Variants in RWDD1 observed in about 807,000 individuals in gnomAD.
RWDD1 encodes the protein RWD domain containing 1.
Under a neutral mutation model 31.6 loss-of-function variants are expected in RWDD1, and 17 were observed. The observed-to-expected ratio is 0.54, with a 90% confidence interval of 0.37 to 0.81. RWDD1 has a LOEUF of 0.81. Ranked by LOEUF, RWDD1 falls within the 30% of genes least tolerant of loss-of-function variation. The probability of loss-of-function intolerance (pLI) is 0.00; values close to 1 mark genes in which losing one functional copy is unlikely to be tolerated. For synonymous variants in RWDD1, 78 were observed against 94.2 expected (o/e 0.83, Z 0.99); for missense variants, 204 against 274.5 (o/e 0.74, Z 1.82).
rs1775250431 is a variant in RWDD1, at chr6:116,597,089, A to G, written c.*3988A>G. ...TCTTCATCCTGTCATGCAGCTAAAT[A>G]TTCCAGGAATACTGAACCAAGTGAG... On this transcript the variant is annotated 3_prime_UTR_variant, in exon 7 of 7. Transcript: ENST00000466444. 1 of 152,234 alleles carries G rather than the reference A, an allele frequency of 6.6e-6. No individual in the cohort carries two copies. The allele number at this position is 152,234 out of a possible 1,614,324, so 9.4% of individuals were successfully genotyped here. A position where few individuals can be genotyped will look rare whatever the true frequency, so the allele number is the denominator to read the frequency against.
chr6:116,580,985 AT>A (rs1162368647), intron 2 of RWDD1, among the ~76,000 whole-genome samples: 4 of 152,000 alleles, frequency 2.6e-5, no homozygotes, highest in Non-Finnish European at 4.4e-5. Context: ...AACCCTACAC[AT>A]TTTTTTACCC....
rs1178798426 is a variant in RWDD1 at position 116,596,320 on chromosome 6, A to G, written c.*3219A>G. ...ATGTAAACATGTAAATTTGAGTAGC[A>G]TTAGTTTGTTTTCTGTTTAGGAACT... is the stretch of plus-strand genomic sequence containing the variant. On this transcript the variant is annotated 3_prime_UTR_variant, in exon 7 of 7. Transcript: ENST00000466444. 6.6e-6 allele frequency: 1 copy of G among 152,254 alleles called. No individual in the cohort carries two copies. Among genetic ancestry groups the G allele is most frequent in the Non-Finnish European group, 1.5e-5 (1 of 68,038 alleles). 9.4% of individuals were successfully genotyped at this position (152,254 alleles called of 1,614,324 possible). A position where few individuals can be genotyped will look rare whatever the true frequency, so the allele number is the denominator to read the frequency against.
At chr6:116,575,853 A>G (rs575315137) in intron 1 of RWDD1, among the ~76,000 whole-genome samples, 2 of 152,230 alleles carry the variant, frequency 1.3e-5, no homozygotes, top group Non-Finnish European at 2.9e-5. Context: ...AAAGGAAGGA[A>G]GAAGAACAGA....
At chr6:116,588,461 T>C (rs1231908999) in intron 3 of RWDD1, among the ~76,000 whole-genome samples, 1 of 152,146 alleles carries the variant, frequency 6.6e-6, no homozygotes, top group East Asian at 1.9e-4. Flanking sequence ...ATTTCTTACA[T>C]TCTTTATTAT....
At chr6:116,579,322 A>G (rs1030545702) in intron 1 of RWDD1, among the ~76,000 whole-genome samples, 1 of 152,234 alleles carries the variant, frequency 6.6e-6, no homozygotes, top group Non-Finnish European at 1.5e-5. Flanking sequence ...AACCTTGACA[A>G]GTACCAGTGC....
intron 2 of RWDD1, among the ~76,000 whole-genome samples, chr6:116,580,780 G>A (rs997570678): frequency 6.6e-6 from 1 of 151,948 alleles, no homozygotes; most frequent in Non-Finnish European, 1.5e-5. Flanking sequence ...TTATAAATGG[G>A]GCTGGATATA....
chr6:116,589,010 TTTA>T (rs1287376185), intron 4 of RWDD1, 25 bp downstream of exon 4: 22 of 1,258,514 alleles, frequency 1.7e-5, no homozygotes, highest in Non-Finnish European at 2.1e-5. Flanking sequence ...CTTGTTTTCT[TTTA>T]TTATTTCTTA....
intron 1 of RWDD1, chr6:116,574,078 A>G (rs1483593010): frequency 1.5e-6 from 1 of 671,822 alleles, no homozygotes; most frequent in Non-Finnish European, 1.8e-6. Context: ...CATTGATCCA[A>G]CCCTCCTAAC....
At position 116,595,319 on chromosome 6, in the gene RWDD1, T is replaced by C. The variant is rs894742354; in HGVS notation, c.*2218T>C. On this transcript the variant is annotated 3_prime_UTR_variant, in exon 7 of 7. Transcript: ENST00000466444. ...TTCAGAACCTAAAGGCAGAATCTAA[T>C]GGTAAAATGAAGACAACCTAGTTGT... 6.6e-6 allele frequency: 1 copy of C among 151,846 alleles called. No individual in the cohort carries two copies. Among genetic ancestry groups the C allele is most frequent in the Non-Finnish European group, 1.5e-5 (1 of 67,906 alleles). The allele number at this position is 151,846 out of a possible 1,614,324, so 9.4% of individuals were successfully genotyped here. A position where few individuals can be genotyped will look rare whatever the true frequency, so the allele number is the denominator to read the frequency against.
At chr6:116,573,080 AT>A (rs1284663115) in intron 1 of RWDD1, 15 of 836,034 alleles carry the variant, frequency 1.8e-5, no homozygotes, top group Non-Finnish European at 2.0e-5. Context: ...TATATTCTTA[AT>A]CATGTTTGGT....
intron 1 of RWDD1, among the ~76,000 whole-genome samples, chr6:116,573,624 A>G (rs1774786467): frequency 6.6e-6 from 1 of 152,192 alleles, no homozygotes. Context: ...GGAGATTTGC[A>G]AGATTTTCTG....
At position 116,595,228 on chromosome 6, in the gene RWDD1, T is replaced by A. The variant is rs368086922; in HGVS notation, c.*2127T>A. ...GAATGATAACCTCCCATCCACTTCATGTGATTTTTAAGAATAAATTTTATA... is the reference window on the plus strand; with the variant it reads ...GAATGATAACCTCCCATCCACTTCAAGTGATTTTTAAGAATAAATTTTATA... On this transcript the variant is annotated 3_prime_UTR_variant, in exon 7 of 7. Transcript: ENST00000466444. 1.3e-5 allele frequency: 2 copies of A among 152,222 alleles called. No individual in the cohort carries two copies. The highest frequency in any genetic ancestry group is 1.9e-4 in the East Asian group (1 of 5,202). The allele number at this position is 152,222 out of a possible 1,614,324, so 9.4% of individuals were successfully genotyped here.
At chr6:116,583,691 G>A (rs1774987708) in intron 2 of RWDD1, among the ~76,000 whole-genome samples, 1 of 151,832 alleles carries the variant, frequency 6.6e-6, no homozygotes, top group Admixed American at 6.6e-5. Flanking sequence ...AGAAAGCTGG[G>A]GGGAAGAAAT....
At chr6:116,572,434 T>C (rs1244281913) in intron 1 of RWDD1, 2 of 152,216 alleles carry the variant, frequency 1.3e-5, no homozygotes, top group African/African-American at 4.8e-5. Context: ...ATATGGGACT[T>C]GGGATTCAGC....
At chr6:116,571,861 A>G (rs1176223459) in intron 1 of RWDD1, among the ~76,000 whole-genome samples, 1 of 151,906 alleles carries the variant, frequency 6.6e-6, no homozygotes, top group Non-Finnish European at 1.5e-5. Context: ...CCGGAAATCT[A>G]AAAGTCCGGG....
intron 4 of RWDD1, 26 bp from the exon 5 acceptor site, chr6:116,590,246 G>A: frequency 1.5e-6 from 2 of 1,301,308 alleles, no homozygotes; most frequent in Non-Finnish European, 2.1e-6. Context: ...CATTAATCTG[G>A]TGACTTTTTT....
chr6:116,592,839 A>G, intron 6 of RWDD1, 141 bp from the exon 7 acceptor site: 1 of 805,166 alleles, frequency 1.2e-6, no homozygotes, highest in Admixed American at 2.9e-5. Flanking sequence ...CACTGTTGAT[A>G]ACTGTAGTTT....
intron 2 of RWDD1, among the ~76,000 whole-genome samples, chr6:116,582,985 A>G (rs1774974402): frequency 1.4e-5 from 2 of 147,590 alleles, no homozygotes; most frequent in African/African-American, 5.0e-5. Flanking sequence ...AAAATTTTAA[A>G]TATTTTTTAG....
At chr6:116,590,827 G>A (rs1775128859) in intron 5 of RWDD1, 61 bp from the exon 6 acceptor site, 1 of 1,517,648 alleles carries the variant, frequency 6.6e-7, no homozygotes, top group South Asian at 1.3e-5. Flanking sequence ...TCTAAGTATT[G>A]TAGTGAAAAT....
Sources: gnomAD v4.1 joint callset for allele counts (sites outside exome capture counted in the v4.1 genomes callset) on GRCh38, gnomAD v4.1.1 for gene constraint, MANE v1.5 for transcripts, NCBI Gene and HGNC (gene_info 2026-07-23, HGNC 2026-07-21) for gene names.